Variants in FAM135B observed in about 807,000 individuals in gnomAD.
The protein encoded by FAM135B is family with sequence similarity 135 member B.
In FAM135B, 43 loss-of-function variants were observed where a neutral mutation model predicts 127.7. The observed-to-expected ratio is 0.34, with a 90% CI of 0.26 to 0.43. The LOEUF (loss-of-function observed/expected upper bound fraction) is 0.43. Among genes scored for constraint, FAM135B ranks in the 20% least tolerant of loss-of-function variants. The probability of loss-of-function intolerance (pLI) is 1.00; values close to 1 mark genes in which losing one functional copy is unlikely to be tolerated. For missense variants in FAM135B, 1,558 were observed against 1,725.6 expected, an observed-to-expected ratio of 0.90 and a Z score of 1.72; for synonymous variants, 670 against 665.1, an observed-to-expected ratio of 1.01 and a Z score of -0.11.
At chr8:138,363,531 T>C (rs1313394811) in intron 2 of FAM135B, among the ~76,000 whole-genome samples, 1 of 152,144 alleles carries the variant, frequency 6.6e-6, no homozygotes, top group African/African-American at 2.4e-5. Context: ...GGTGATATCG[T>C]ATGATTCTTG....
At chr8:138,289,079 G>A (rs540615480) in intron 3 of FAM135B, among the ~76,000 whole-genome samples, 17 of 152,288 alleles carry the variant, frequency 1.1e-4, no homozygotes, top group Non-Finnish European at 2.5e-4. Flanking sequence ...ATTACCCACT[G>A]TTAGCCCGGT....
chr8:138,411,126 T>C (rs1833838972), intron 1 of FAM135B, among the ~76,000 whole-genome samples: 1 of 147,880 alleles, frequency 6.8e-6, no homozygotes, highest in Admixed American at 6.7e-5. Flanking sequence ...CTTCACAGAA[T>C]TGGAAAAAAC....
intron 7 of FAM135B, among the ~76,000 whole-genome samples, chr8:138,199,614 G>T (rs1303030138): frequency 6.6e-6 from 1 of 152,168 alleles, no homozygotes; most frequent in Admixed American, 6.5e-5. Flanking sequence ...AGAAATACGT[G>T]AGACTGGGTA....
At chr8:138,244,843 G>T (rs1484962382) in intron 6 of FAM135B, among the ~76,000 whole-genome samples, 1 of 152,126 alleles carries the variant, frequency 6.6e-6, no homozygotes, top group African/African-American at 2.4e-5. Context: ...TATCCATTTG[G>T]GGGTTAAAAA....
chr8:138,281,682 G>A (rs1024624504), intron 3 of FAM135B, among the ~76,000 whole-genome samples: 3 of 151,872 alleles, frequency 2.0e-5, no homozygotes, highest in African/African-American at 7.3e-5. Flanking sequence ...CCTTATAAGG[G>A]TCACCTCCCT....
chr8:138,319,963 G>A lies in FAM135B; in HGVS notation c.78-9043C>T, dbSNP rs1353247922. On this transcript the variant is annotated intron_variant, in intron 2 of 19. Transcript: ENST00000395297. ...CAGAGTAGTGCAATGTGAGAAAGAC[G>A]TGACCAGCCATTGCTGATCACCAGC... Among the ~76,000 whole-genome samples, 10 of 152,250 alleles carry A rather than the reference G, an allele frequency of 6.6e-5. No homozygotes were observed. In the East Asian group the frequency reaches 1.4e-3, roughly 21 times the overall value.
At chr8:138,177,197 CTT>C in intron 11 of FAM135B, 148 bp downstream of exon 11, 1 of 740,270 alleles carries the variant, frequency 1.4e-6, no homozygotes, top group Non-Finnish European at 2.2e-6. Flanking sequence ...CTGTCTGACT[CTT>C]TTGCCTGCAG....
chr8:138,155,935 A>T (rs1818690253), intron 12 of FAM135B, among the ~76,000 whole-genome samples: 1 of 152,204 alleles, frequency 6.6e-6, no homozygotes, highest in African/African-American at 2.4e-5. Flanking sequence ...TCGGCTCTGC[A>T]CCAAGCAGAC....
At chr8:138,286,116 A>G (rs1333047659) in intron 3 of FAM135B, among the ~76,000 whole-genome samples, 1 of 152,254 alleles carries the variant, frequency 6.6e-6, no homozygotes, top group African/African-American at 2.4e-5. Flanking sequence ...ATGTTAAAAA[A>G]TAAATAAAAA....
intron 1 of FAM135B, among the ~76,000 whole-genome samples, chr8:138,476,940 A>T (rs945713533): frequency 6.6e-6 from 1 of 152,334 alleles, no homozygotes; most frequent in African/African-American, 2.4e-5. Context: ...CCGATTATGG[A>T]GACTCCTATA....
intron 1 of FAM135B, among the ~76,000 whole-genome samples, chr8:138,487,074 A>G (rs1294444372): frequency 6.6e-6 from 1 of 152,160 alleles, no homozygotes; most frequent in African/African-American, 2.4e-5. Flanking sequence ...GTCCCTCTCA[A>G]AATGGTACAA....
At chr8:138,343,515 C>A (rs1309589373) in intron 2 of FAM135B, among the ~76,000 whole-genome samples, 4 of 152,200 alleles carry the variant, frequency 2.6e-5, no homozygotes, top group Non-Finnish European at 5.9e-5. Context: ...GCTGCAGGAA[C>A]TGTCTTCACC....
intron 7 of FAM135B, among the ~76,000 whole-genome samples, chr8:138,226,184 T>TGTGTGCGCGCGC: frequency 7.5e-4 from 104 of 139,282 alleles, no homozygotes; most frequent in African/African-American, 2.4e-3. Context: ...TGTGTGTGTG[T>TGTGTGCGCGCGC]GCGCGCATGT....
chr8:138,165,565 G>C (rs146891955), intron 12 of FAM135B, among the ~76,000 whole-genome samples: 1 of 152,158 alleles, frequency 6.6e-6, no homozygotes, highest in Non-Finnish European at 1.5e-5. Flanking sequence ...ACCTAATAAT[G>C]ATAATACTAG....
At chr8:138,411,031 GA>G (rs1172770779) in intron 1 of FAM135B, among the ~76,000 whole-genome samples, 1 of 125,616 alleles carries the variant, frequency 8.0e-6, no homozygotes, top group African/African-American at 3.5e-5. Context: ...TCATGGGTAG[GA>G]AGAATCTATA....
At chr8:138,219,226 T>C (rs1237107121) in intron 7 of FAM135B, among the ~76,000 whole-genome samples, 1 of 152,198 alleles carries the variant, frequency 6.6e-6, no homozygotes, top group South Asian at 2.1e-4. Context: ...ATGCGTAACA[T>C]GGGAGATAGG....
chr8:138,261,127 C>T (rs1404911257), intron 4 of FAM135B, among the ~76,000 whole-genome samples: 1 of 151,738 alleles, frequency 6.6e-6, no homozygotes, highest in Non-Finnish European at 1.5e-5. Flanking sequence ...TCAACTCAGC[C>T]CCCTTTCTGC....
intron 9 of FAM135B, among the ~76,000 whole-genome samples, chr8:138,193,539 C>T (rs1816333145): frequency 6.6e-6 from 1 of 152,198 alleles, no homozygotes; most frequent in Admixed American, 6.5e-5. Context: ...GCTGCCTGTT[C>T]CTGTGTTCCT....
intron 1 of FAM135B, among the ~76,000 whole-genome samples, chr8:138,468,370 ACTCT>A (rs1383065542): frequency 1.3e-5 from 2 of 152,098 alleles, no homozygotes; most frequent in African/African-American, 2.4e-5. Flanking sequence ...GCTCTTCATG[ACTCT>A]CTATCTATGG....
Sources: gnomAD v4.1 joint callset for allele counts (sites outside exome capture counted in the v4.1 genomes callset) on GRCh38, gnomAD v4.1.1 for gene constraint, MANE v1.5 for transcripts, NCBI Gene and HGNC (gene_info 2026-07-23, HGNC 2026-07-21) for gene names.